PRKCE: variants seen among roughly 807,000 people sequenced by gnomAD.
The protein encoded by PRKCE is protein kinase C epsilon type.
Under a neutral mutation model 85.4 loss-of-function variants are expected in PRKCE, and 16 were observed. The ratio of observed to expected loss-of-function variants is 0.19; its 90% CI spans 0.13 to 0.28. The LOEUF (loss-of-function observed/expected upper bound fraction) is 0.28. Ranked by LOEUF, PRKCE falls within the 10% of genes least tolerant of loss-of-function variation. The probability of loss-of-function intolerance (pLI) is 1.00; values close to 1 mark genes in which losing one functional copy is unlikely to be tolerated. For synonymous variants in PRKCE, 388 were observed against 371.5 expected (o/e 1.04, Z -0.51); for missense variants, 573 against 975.2 (o/e 0.59, Z 5.49).
At chr2:46,066,014 G>C (rs13430452) in intron 10 of PRKCE, among the ~76,000 whole-genome samples, 103,820 of 152,082 alleles carry the variant, frequency 0.68, 36,762 homozygotes, top group African/African-American at 0.87. Flanking sequence ...TCCAGCATCC[G>C]TCAAGACTAT....
Position 45,907,866 on chromosome 2 carries a change from G to A in PRKCE, c.412+64803G>A, listed in dbSNP as rs1697099248. Among the ~76,000 whole-genome samples the A allele has an allele frequency of 1.3e-5, 2 of 152,202 alleles. No homozygotes were observed. The highest frequency in any genetic ancestry group is 1.3e-4 in the Admixed American group (2 of 15,282). On this transcript the variant is annotated intron_variant, in intron 2 of 14. Transcript: ENST00000306156. This position sits in a 1 kb window ranked among gnomAD's most constrained non-coding sequence, Gnocchi z 4.5. Reference sequence around the variant, plus strand: ...GAGCTAATAATACTTGCCGAGTGCTGAGAACAGTGCCTGGTATCTATGTTA... The same window carrying A: ...GAGCTAATAATACTTGCCGAGTGCTAAGAACAGTGCCTGGTATCTATGTTA...
In PRKCE at chr2:46,004,571, T is replaced by C; in HGVS notation, c.996T>C (p.Pro332=). The change falls in exon 8 of 15, where the codon CCT becomes CCC. Residue 332 remains proline, a synonymous_variant. Transcript: ENST00000306156. This position sits in a 1 kb window ranked among gnomAD's most constrained non-coding sequence, Gnocchi z 4.1. The part of the protein sequence containing the change: ...KLIAGAESPQ[P]ASGSSPSEED... ...TTGCTGGTGCCGAGTCCCCGCAGCC[T>C]GCTTCTGGAAGCTCACCATCTGAGG... 2 of 1,590,822 alleles carry C rather than the reference T, an allele frequency of 1.3e-6. No individual in the cohort carries two copies. Among genetic ancestry groups the C allele is most frequent in the South Asian group, 2.3e-5 (2 of 88,782 alleles).
chr2:45,702,753 T>C (rs1678755289), intron 1 of PRKCE, among the ~76,000 whole-genome samples: 1 of 152,196 alleles, frequency 6.6e-6, no homozygotes, highest in Non-Finnish European at 1.5e-5. Flanking sequence ...GAAGAGCTTC[T>C]GCTATTGCAA....
At chr2:45,894,980 C>T (rs1696024136) in intron 2 of PRKCE, among the ~76,000 whole-genome samples, 2 of 152,218 alleles carry the variant, frequency 1.3e-5, no homozygotes, top group African/African-American at 2.4e-5. Context: ...GTCTCAGCCT[C>T]CCAAAGTGCT....
At chr2:45,685,345 A>T (rs1677215519) in intron 1 of PRKCE, 1 of 152,196 alleles carries the variant, frequency 6.6e-6, no homozygotes, top group East Asian at 1.9e-4. Context: ...AAGATGTAAG[A>T]TTTGCCCATC....
chr2:46,071,625 A>G (rs1011665787), intron 10 of PRKCE, among the ~76,000 whole-genome samples: 22 of 152,216 alleles, frequency 1.4e-4, no homozygotes, highest in Non-Finnish European at 7.3e-5. Context: ...AAAAACGTCC[A>G]TGGAAGGAGT....
intron 11 of PRKCE, among the ~76,000 whole-genome samples, chr2:46,142,339 A>G (rs1202878288): frequency 6.6e-6 from 1 of 152,216 alleles, no homozygotes; most frequent in Non-Finnish European, 1.5e-5. Flanking sequence ...CCCCAGAGAA[A>G]TAGAAAGTCC....
intron 1 of PRKCE, among the ~76,000 whole-genome samples, chr2:45,769,685 G>T (rs1341235869): frequency 1.3e-5 from 2 of 152,164 alleles, no homozygotes. Context: ...TAGCCAGTTT[G>T]TCTTTAATGT....
intron 10 of PRKCE, among the ~76,000 whole-genome samples, chr2:46,018,431 C>G (rs952255278): frequency 3.3e-5 from 5 of 152,142 alleles, no homozygotes; most frequent in African/African-American, 9.7e-5. Context: ...GATCCCGCCA[C>G]TGCCCTCCAG....
chr2:45,732,005 C>T (rs981729290), intron 1 of PRKCE, among the ~76,000 whole-genome samples: 1 of 152,208 alleles, frequency 6.6e-6, no homozygotes, highest in Non-Finnish European at 1.5e-5. Flanking sequence ...CTGTCAGCCA[C>T]AGTCCTAGAA....
At chr2:45,828,950 C>T (rs936237553) in intron 1 of PRKCE, among the ~76,000 whole-genome samples, 3 of 151,994 alleles carry the variant, frequency 2.0e-5, no homozygotes, top group Non-Finnish European at 4.4e-5. Context: ...AATATATGTT[C>T]CTTTATAATC....
chr2:46,134,611 G>A (rs1205023087), intron 11 of PRKCE, among the ~76,000 whole-genome samples: 2 of 152,202 alleles, frequency 1.3e-5, no homozygotes, highest in Admixed American at 6.5e-5. Flanking sequence ...GTTCTTTCAC[G>A]GGCTCCAGCT....
chr2:46,151,851 A>G (rs2104528644), intron 13 of PRKCE, among the ~76,000 whole-genome samples: 1 of 152,384 alleles, frequency 6.6e-6, no homozygotes, highest in East Asian at 1.9e-4. Context: ...CAGCACAGCC[A>G]TCTCTACGAT....
chr2:46,154,754 A>C (rs1391870772), intron 13 of PRKCE, among the ~76,000 whole-genome samples: 1 of 151,016 alleles, frequency 6.6e-6, no homozygotes, highest in East Asian at 1.9e-4. Flanking sequence ...TTTTTTACAA[A>C]AAACTAAACC....
At chr2:45,943,406 G>A (rs1482346024) in intron 2 of PRKCE, among the ~76,000 whole-genome samples, 1 of 152,266 alleles carries the variant, frequency 6.6e-6, no homozygotes, top group Admixed American at 6.5e-5. Flanking sequence ...ATAGGGCAGA[G>A]GGCCACGGAA....
At chr2:45,927,160 A>T (rs1393410220) in intron 2 of PRKCE, among the ~76,000 whole-genome samples, 1 of 152,068 alleles carries the variant, frequency 6.6e-6, no homozygotes, top group African/African-American at 2.4e-5. Flanking sequence ...GGGACACAGG[A>T]TGGTAAGAAG....
intron 9 of PRKCE, among the ~76,000 whole-genome samples, chr2:46,009,560 A>G (rs1029510301): frequency 2.6e-5 from 4 of 152,174 alleles, no homozygotes; most frequent in East Asian, 1.9e-4. Flanking sequence ...CAACACTTCT[A>G]CATTGCTAGT....
At chr2:45,793,546 A>G (rs1218223822) in intron 1 of PRKCE, among the ~76,000 whole-genome samples, 2 of 152,178 alleles carry the variant, frequency 1.3e-5, no homozygotes, top group East Asian at 1.9e-4. Context: ...ATGGTAAAGT[A>G]TGTGTCCAAA....
At chr2:45,736,988 C>T (rs562093976) in intron 1 of PRKCE, among the ~76,000 whole-genome samples, 34 of 152,178 alleles carry the variant, frequency 2.2e-4, no homozygotes, top group Non-Finnish European at 4.3e-4. Flanking sequence ...GGGGCCCGGC[C>T]ATGCTGAAAG....
Sources: allele counts gnomAD v4.1 joint callset (sites outside exome capture counted in the v4.1 genomes callset), GRCh38; gene constraint gnomAD v4.1.1; non-coding constraint Gnocchi (gnomAD v3.1); transcripts MANE v1.5; gene names NCBI Gene and HGNC (gene_info 2026-07-23, HGNC 2026-07-21).